PRDM1: variants seen among roughly 807,000 people sequenced by gnomAD.
PRDM1 encodes PR domain zinc finger protein 1.
PRDM1 carries 13 observed loss-of-function variants against 62.8 expected under a neutral mutation model. That is an observed-to-expected ratio of 0.21 (90% confidence interval 0.13 to 0.33). The LOEUF (loss-of-function observed/expected upper bound fraction) is 0.33, where lower values mean the gene tolerates loss of function less well. PRDM1 is among the 10% of genes least tolerant of loss of function. PRDM1 has a pLI of 1.00. For missense variants in PRDM1, 895 were observed against 1,058.8 expected (o/e 0.85, Z 2.15); for synonymous variants, 396 against 417.6 (o/e 0.95, Z 0.63).
chr6:106,074,509 G>A (rs959661806), intron 1 of PRDM1, among the ~76,000 whole-genome samples: 2 of 152,180 alleles, frequency 1.3e-5, no homozygotes, highest in African/African-American at 2.4e-5. Context: ...TTATAATTAC[G>A]TAACTTAATT....
intron 4 of PRDM1, among the ~76,000 whole-genome samples, chr6:106,101,927 T>C (rs1774284751): frequency 1.3e-5 from 2 of 152,112 alleles, no homozygotes; most frequent in Non-Finnish European, 2.9e-5. Context: ...ATAAAAGAAC[T>C]AATAAGTTTG....
Position 106,106,589 on chromosome 6 carries a change from G to T in PRDM1, c.1902+90G>T. The T allele has an allele frequency of 6.5e-7, 1 of 1,534,706 alleles. No individual in the cohort carries two copies. ...ATGTCCTATATAGCCCGTAGTTAAA[G>T]CCAACACCAGATTCTGCGTTGTCCC... is the stretch of plus-strand genomic sequence containing the variant. On this transcript the variant is annotated intron_variant, in intron 6 of 6. Coordinates refer to ENST00000369096, the MANE Select transcript of PRDM1 (RefSeq NM_001198.4). The surrounding 1 kb of genome is among the most constrained non-coding windows in gnomAD (Gnocchi z 4.4).
At chr6:106,007,714 G>A (rs182198875) in intron 1 of PRDM1, among the ~76,000 whole-genome samples, 17 of 152,092 alleles carry the variant, frequency 1.1e-4, no homozygotes, top group Middle Eastern at 3.4e-3. Flanking sequence ...GCTGTCATTC[G>A]TCCCTTGAGG....
At chr6:105,998,911 ATATATATATATATATATATATATTTT>A (rs1443268845) in intron 1 of PRDM1, among the ~76,000 whole-genome samples, 14,297 of 57,606 alleles carry the variant, frequency 0.25, 729 homozygotes, top group Non-Finnish European at 0.34. Context: ...ATATATATAT[ATATATATATATATATATATATATTTT>A]TTTTTTTTTT....
intron 1 of PRDM1, among the ~76,000 whole-genome samples, chr6:106,068,161 G>A (rs1424973783): frequency 1.3e-5 from 2 of 150,512 alleles, no homozygotes; most frequent in Non-Finnish European, 3.0e-5. Flanking sequence ...GTGTGATCTC[G>A]GCTCACTGCA....
rs1334836606 is a variant in PRDM1 at position 106,106,544 on chromosome 6, T to A, written c.1902+45T>A. 1.2e-6 allele frequency: 2 copies of A among 1,610,472 alleles called. No homozygotes were observed. The highest frequency in any genetic ancestry group is 4.5e-5 in the East Asian group (2 of 44,852). On this transcript the variant is annotated intron_variant, in intron 6 of 6. Transcript: ENST00000369096. The surrounding 1 kb of genome is among the most constrained non-coding windows in gnomAD (Gnocchi z 4.4). ...TAGACCTTCTGACCTTTGTAGAAAATGTCTGTGAGTCACCCTCCCATGTCC... is the reference window on the plus strand; with the variant it reads ...TAGACCTTCTGACCTTTGTAGAAAAAGTCTGTGAGTCACCCTCCCATGTCC...
intron 1 of PRDM1, among the ~76,000 whole-genome samples, chr6:106,061,602 C>T (rs1416485170): frequency 1.3e-5 from 2 of 152,208 alleles, no homozygotes; most frequent in East Asian, 3.8e-4. Context: ...TGGCCACCCT[C>T]AACAAATTTG....
At chr6:106,088,511 C>T in intron 2 of PRDM1, 62 bp downstream of exon 2, 2 of 1,588,270 alleles carry the variant, frequency 1.3e-6, no homozygotes, top group Non-Finnish European at 1.7e-6. Context: ...CCTACTTGCC[C>T]TTGAGGCCTT....
At chr6:106,024,795 T>C (rs1332840945) in intron 1 of PRDM1, among the ~76,000 whole-genome samples, 1 of 152,188 alleles carries the variant, frequency 6.6e-6, no homozygotes, top group Non-Finnish European at 1.5e-5. Flanking sequence ...TGCCGTGTTC[T>C]AGAAGGAGAG....
Position 106,088,192 on chromosome 6 carries a change from C to T in PRDM1, c.43-9C>T, listed in dbSNP as rs2114617184. The T allele has an allele frequency of 6.3e-7, 1 of 1,590,494 alleles. No individual in the cohort carries two copies. Among genetic ancestry groups the T allele is most frequent in the East Asian group, 2.3e-5 (1 of 43,782 alleles). ...AATGGGGATTAAAGGCCTTTCCTTT[C>T]TCTTCCAGGCTGCCCCCAAGTGTAA... On this transcript the variant is annotated splice_polypyrimidine_tract_variant and intron_variant, in intron 1 of 6. Transcript: ENST00000369096.
intron 3 of PRDM1, 157 bp downstream of exon 3, chr6:106,095,891 G>A (rs1479269115): frequency 2.7e-5 from 21 of 766,504 alleles, no homozygotes; most frequent in Middle Eastern, 2.4e-4. Flanking sequence ...CTGAACAAAT[G>A]TGATGAAACC....
intron 1 of PRDM1, among the ~76,000 whole-genome samples, chr6:106,051,251 C>T (rs1010152693): frequency 1.3e-5 from 2 of 152,194 alleles, no homozygotes; most frequent in Non-Finnish European, 2.9e-5. Flanking sequence ...AATAAGGTTC[C>T]TTGTTAATTG....
chr6:106,105,439 G>A lies in PRDM1; in HGVS notation c.1279G>A (p.Ala427Thr), dbSNP rs146539196. The A allele has an allele frequency of 1.2e-4, 201 of 1,614,140 alleles. No homozygotes were observed. Among genetic ancestry groups the A allele is most frequent in the Admixed American group, 3.0e-4 (18 of 60,018 alleles). The stretch of plus-strand genomic sequence containing the variant: ...CGGCATGAATTGTAATGGCCTGAGC[G>A]CTGTGAGCAGCATGAATGGCATCAA... ...PYGMNCNGLS[A>T]VSSMNGINNF... The change falls in exon 5 of 7, where the codon GCT (alanine) becomes ACT (threonine). Residue 427 changes from alanine to threonine, a missense_variant. Ala to Thr is a moderately conservative substitution (Grantham distance 58). Transcript: ENST00000369096.
chr6:106,006,028 T>C (rs1035964223), intron 1 of PRDM1, among the ~76,000 whole-genome samples: 1 of 152,198 alleles, frequency 6.6e-6, no homozygotes, highest in Non-Finnish European at 1.5e-5. Context: ...GCCTTTTCAG[T>C]TCAAAACAAC....
At chr6:106,089,910 C>T (rs1773915729) in intron 2 of PRDM1, among the ~76,000 whole-genome samples, 1 of 152,196 alleles carries the variant, frequency 6.6e-6, no homozygotes, top group South Asian at 2.1e-4. Context: ...TCCTTTGGGA[C>T]TGAAGTAAAA....
intron 1 of PRDM1, among the ~76,000 whole-genome samples, chr6:105,999,753 G>T (rs944495775): frequency 6.6e-5 from 10 of 152,216 alleles, no homozygotes; most frequent in Admixed American, 3.9e-4. Context: ...ATAAGTTATT[G>T]AGATTAAATG....
chr6:106,106,036 G>A lies in PRDM1; in HGVS notation c.1773+103G>A, dbSNP rs1774476683. 6.8e-7 allele frequency: 1 copy of A among 1,472,660 alleles called. No homozygotes were observed. The highest frequency in any genetic ancestry group is 1.4e-5 in the South Asian group (1 of 70,974). The allele number at this position is 1,472,660 out of a possible 1,614,324, so 91.2% of individuals were successfully genotyped here. On this transcript the variant is annotated intron_variant, in intron 5 of 6. Coordinates refer to ENST00000369096, the MANE Select transcript of PRDM1 (RefSeq NM_001198.4). This position sits in a 1 kb window ranked among gnomAD's most constrained non-coding sequence, Gnocchi z 4.4. ...ATCGATTGCATTTGCAGTAGTATGA[G>A]CCCCCGGTTGGGGATAGTGGGTATG...
intron 2 of PRDM1, among the ~76,000 whole-genome samples, chr6:106,092,398 A>T (rs1773990064): frequency 2.0e-5 from 3 of 152,208 alleles, no homozygotes; most frequent in Non-Finnish European, 4.4e-5. Flanking sequence ...GCAAGGAGGT[A>T]TTGAAGCCGG....
intron 1 of PRDM1, among the ~76,000 whole-genome samples, chr6:106,061,806 C>T (rs998550937): frequency 6.6e-6 from 1 of 152,200 alleles, no homozygotes; most frequent in Non-Finnish European, 1.5e-5. Context: ...CTGGCAAATT[C>T]AGCTCTGGCC....
Sources: allele counts gnomAD v4.1 joint callset (sites outside exome capture counted in the v4.1 genomes callset), GRCh38; gene constraint gnomAD v4.1.1; non-coding constraint Gnocchi (gnomAD v3.1); transcripts MANE v1.5; gene names NCBI Gene and HGNC (gene_info 2026-07-23, HGNC 2026-07-21).